Variants in ALG14 observed in about 807,000 individuals in gnomAD.
The protein encoded by ALG14 is UDP-N-acetylglucosamine transferase subunit ALG14.
In ALG14, 17 loss-of-function variants were observed where a neutral mutation model predicts 22.8. The observed-to-expected ratio is 0.75, with a 90% CI of 0.51 to 1.12. ALG14 has a LOEUF of 1.12. Among genes scored for constraint, ALG14 ranks in the 50% most tolerant of loss-of-function variants. The pLI is 0.00. For synonymous variants in ALG14, 89 were observed against 103.7 expected, an observed-to-expected ratio of 0.86 and a Z score of 0.86; for missense variants, 288 against 271.8, an observed-to-expected ratio of 1.06 and a Z score of -0.42.
chr1:94,986,453 G>T (rs1279354454), intron 3 of ALG14, among the ~76,000 whole-genome samples: 1 of 152,036 alleles, frequency 6.6e-6, no homozygotes, highest in African/African-American at 2.4e-5. Flanking sequence ...ACACTTATGT[G>T]GTTGACTGAC....
At chr1:95,015,982 T>C (rs1673486086) in intron 3 of ALG14, among the ~76,000 whole-genome samples, 1 of 152,208 alleles carries the variant, frequency 6.6e-6, no homozygotes, top group African/African-American at 2.4e-5. Flanking sequence ...CAACCTACCA[T>C]GGGGGCTTCT....
At position 94,979,860 on chromosome 1, in the gene ALG14, T is replaced by C. The variant is rs1232217043; in HGVS notation, c.*3216A>G. 2.0e-5 allele frequency: 3 copies of C among 152,184 alleles called. No homozygotes were observed. The highest frequency in any genetic ancestry group is 7.2e-5 in the African/African-American group (3 of 41,430). The allele number at this position is 152,184 out of a possible 1,614,324, so 9.4% of individuals were successfully genotyped here. On this transcript the variant is annotated 3_prime_UTR_variant, in exon 4 of 4. Coordinates refer to ENST00000370205, the MANE Select transcript of ALG14 (RefSeq NM_144988.4). Reference sequence around the variant, plus strand: ...AGAGGGATGGGCCCTAACAAAAGAATGTTGAAGGCGGACAAGATTTGGGTG... The same window carrying C: ...AGAGGGATGGGCCCTAACAAAAGAACGTTGAAGGCGGACAAGATTTGGGTG...
At chr1:95,045,798 C>A (rs1325485335) in intron 2 of ALG14, among the ~76,000 whole-genome samples, 2 of 144,994 alleles carry the variant, frequency 1.4e-5, no homozygotes, top group African/African-American at 2.5e-5. Context: ...AATTAGTATA[C>A]TAATAGAATG....
rs910940654 is a variant in ALG14 at position 94,978,311 on chromosome 1, T to G, written c.*4765A>C. The G allele has an allele frequency of 6.6e-6, 1 of 152,190 alleles. No homozygotes were observed. Among genetic ancestry groups the G allele is most frequent in the Non-Finnish European group, 1.5e-5 (1 of 68,072 alleles). The allele number at this position is 152,190 out of a possible 1,614,324, so 9.4% of individuals were successfully genotyped here. ...CTCCTGACCTTGTGATACACCCACCTTGGCCTCCCAAAGTGCTGGGATTAC... is the reference window on the plus strand; with the variant it reads ...CTCCTGACCTTGTGATACACCCACCGTGGCCTCCCAAAGTGCTGGGATTAC... On this transcript the variant is annotated 3_prime_UTR_variant, in exon 4 of 4. Coordinates refer to ENST00000370205, the MANE Select transcript of ALG14 (RefSeq NM_144988.4).
At chr1:95,039,632 T>C (rs1476497576) in intron 2 of ALG14, among the ~76,000 whole-genome samples, 2 of 152,170 alleles carry the variant, frequency 1.3e-5, no homozygotes, top group Admixed American at 1.3e-4. Flanking sequence ...ACTCTTTAAG[T>C]ATAAAATATA....
intron 3 of ALG14, among the ~76,000 whole-genome samples, chr1:94,989,015 T>C (rs567086833): frequency 9.8e-5 from 15 of 152,366 alleles, no homozygotes; most frequent in East Asian, 7.7e-4. Flanking sequence ...GTTAGTTATA[T>C]TTGTTTTTAA....
intron 3 of ALG14, among the ~76,000 whole-genome samples, chr1:95,004,911 T>C (rs1673175306): frequency 6.6e-6 from 1 of 150,948 alleles, no homozygotes; most frequent in South Asian, 2.1e-4. Flanking sequence ...GTTCAAGCAA[T>C]TCTCCTGCCT....
intron 3 of ALG14, among the ~76,000 whole-genome samples, chr1:94,987,148 A>G (rs1487685011): frequency 1.3e-5 from 2 of 152,210 alleles, no homozygotes; most frequent in African/African-American, 2.4e-5. Context: ...CAGAGCCGAG[A>G]GATGAAGACA....
chr1:94,985,703 G>A (rs1407413235), intron 3 of ALG14, among the ~76,000 whole-genome samples: 1 of 152,178 alleles, frequency 6.6e-6, no homozygotes, highest in African/African-American at 2.4e-5. Flanking sequence ...GTCTGTATAT[G>A]GGAAGGGAAA....
At chr1:95,053,506 A>G (rs1291728758) in intron 2 of ALG14, among the ~76,000 whole-genome samples, 1 of 152,198 alleles carries the variant, frequency 6.6e-6, no homozygotes, top group East Asian at 1.9e-4. Context: ...AAAAAGACCA[A>G]TTCACAATCA....
rs1267826716 is a variant in ALG14 at position 95,064,981 on chromosome 1, C to A, written c.173G>T (p.Ser58Ile). 3.7e-6 allele frequency: 6 copies of A among 1,613,532 alleles called. No individual in the cohort carries two copies. The highest frequency in any genetic ancestry group is 5.1e-6 in the Non-Finnish European group (6 of 1,179,700). The change falls in exon 2 of 4, where the codon AGC (serine) becomes ATC (isoleucine). Residue 58 changes from serine to isoleucine, a missense_variant. Coordinates refer to ENST00000370205, the MANE Select transcript of ALG14 (RefSeq NM_144988.4). ...HTTEILRLLG[S>I]LSNAYSPRHY... ...TCTAGGTGAGTAGGCATTGGACAAGCTCCCAAGCAGCCTCAGGATCTCAGT... is the reference window on the plus strand; with the variant it reads ...TCTAGGTGAGTAGGCATTGGACAAGATCCCAAGCAGCCTCAGGATCTCAGT...
intron 2 of ALG14, among the ~76,000 whole-genome samples, chr1:95,038,681 CAAA>C (rs34228707): frequency 2.1e-5 from 2 of 94,734 alleles, no homozygotes. Context: ...AACTTCACCT[CAAA>C]AAAAAAAAAA....
At chr1:95,052,048 C>A (rs1226241546) in intron 2 of ALG14, among the ~76,000 whole-genome samples, 1 of 152,048 alleles carries the variant, frequency 6.6e-6, no homozygotes, top group Non-Finnish European at 1.5e-5. Context: ...AGTAGGTATT[C>A]AATAAATATT....
intron 2 of ALG14, among the ~76,000 whole-genome samples, chr1:95,052,598 C>G (rs1303450101): frequency 6.6e-6 from 1 of 152,082 alleles, no homozygotes; most frequent in Non-Finnish European, 1.5e-5. Context: ...TGGCTCACAC[C>G]TGTAATCCCA....
In ALG14 at chr1:95,072,771, G is replaced by A; in HGVS notation, c.128C>T (p.Ala43Val). The A allele has an allele frequency of 1.2e-6, 2 of 1,614,148 alleles. No homozygotes were observed. Among genetic ancestry groups the A allele is most frequent in the Non-Finnish European group, 1.7e-6 (2 of 1,180,024 alleles). Reference sequence around the variant, plus strand: ...GCCTCCTCGATACTTACCGGACCCAGCCACTACCAAGATACTGAGAGACTC... The same window carrying A: ...GCCTCCTCGATACTTACCGGACCCAACCACTACCAAGATACTGAGAGACTC... ...PRESLSILVV[A>V]GSGGHTTEIL... is the part of the protein sequence containing the mutation. The change falls in exon 1 of 4, where the codon GCT becomes GTT. Residue 43 changes from alanine to valine, a missense_variant. By Grantham distance (64) the Ala-to-Val change is moderately conservative (BLOSUM62 0). Transcript: ENST00000370205.
chr1:95,061,229 G>A (rs1471666488), intron 2 of ALG14, among the ~76,000 whole-genome samples: 1 of 152,056 alleles, frequency 6.6e-6, no homozygotes, highest in African/African-American at 2.4e-5. Flanking sequence ...GTTTATGGGT[G>A]GCAAAAACCC....
In ALG14 at chr1:95,033,679, G is replaced by C. The variant is rs138822476; in HGVS notation, c.289-6419C>G. The stretch of plus-strand genomic sequence containing the variant: ...GAGGTTGCCAGGGACCGAAAGGAGA[G>C]AGGAGGCTGCCCCCATGTTTCCTTC... On this transcript the variant is annotated intron_variant, in intron 2 of 3. Coordinates refer to ENST00000370205, the MANE Select transcript of ALG14 (RefSeq NM_144988.4). Among the ~76,000 whole-genome samples, 438 of 152,080 alleles carry C rather than the reference G, an allele frequency of 2.9e-3. 6 individuals are homozygous for C. Among genetic ancestry groups the C allele is most frequent in the African/African-American group, 0.01 (417 of 41,480 alleles).
In ALG14 at chr1:95,064,898, G is replaced by T; in HGVS notation, c.256C>A (p.Leu86Ile). ...MSANKINSFELDRADRDPSNM... is the reference protein window; with the variant it reads ...MSANKINSFEIDRADRDPSNM... ...CTAGGGTCTCTATCAGCTCGATCTA[G>T]TTCAAAAGAATTTATTTTATTGGCA... Residue 86 changes from leucine (L) to isoleucine (I), a missense_variant, in exon 2 of 4, where the codon CTA becomes ATA. Transcript: ENST00000370205. The T allele has an allele frequency of 6.2e-7, 1 of 1,613,886 alleles. No individual in the cohort carries two copies. Among genetic ancestry groups the T allele is most frequent in the Non-Finnish European group, 8.5e-7 (1 of 1,179,858 alleles).
chr1:95,008,730 G>A (rs1673284755), intron 3 of ALG14, among the ~76,000 whole-genome samples: 1 of 151,964 alleles, frequency 6.6e-6, no homozygotes, highest in Admixed American at 6.6e-5. Context: ...GTGATGGTAA[G>A]CACATTTACA....
Sources: gnomAD v4.1 joint callset for allele counts (sites outside exome capture counted in the v4.1 genomes callset) on GRCh38, gnomAD v4.1.1 for gene constraint, MANE v1.5 for transcripts, NCBI Gene and HGNC (gene_info 2026-07-23, HGNC 2026-07-21) for gene names.